PTPRD: variants seen among roughly 807,000 people sequenced by gnomAD.
PTPRD encodes protein tyrosine phosphatase receptor type D, also known as receptor-type tyrosine-protein phosphatase delta.
PTPRD carries 34 observed loss-of-function variants against 214.5 expected under a neutral mutation model. The observed-to-expected ratio is 0.16, with a 90% CI of 0.12 to 0.21. The LOEUF (loss-of-function observed/expected upper bound fraction) is 0.21. PTPRD is among the 10% of genes least tolerant of loss of function. The probability of loss-of-function intolerance (pLI) is 1.00; values close to 1 mark genes in which losing one functional copy is unlikely to be tolerated. For missense variants in PTPRD, 2,545 were observed against 2,398.7 expected (o/e 1.06, Z -1.27); for synonymous variants, 1,128 against 845.7 (o/e 1.33, Z -5.79).
intron 39 of PTPRD, among the ~76,000 whole-genome samples, chr9:8,352,053 G>C (rs983529987): frequency 7.3e-6 from 1 of 136,598 alleles, no homozygotes; most frequent in African/African-American, 2.7e-5. Context: ...TCTCGAGAAA[G>C]AAAAAAAAAA....
rs367739426 is a variant in PTPRD, at chr9:10,092,125, C to T, written c.-544-58335G>A. Among the ~76,000 whole-genome samples, 84 of 151,538 alleles carry T rather than the reference C, an allele frequency of 5.5e-4. No individual in the cohort carries two copies. The South Asian group carries it at 0.016, about 29-fold the overall frequency. ...TCCATGCAACGAGGTAAAAAGTTGA[C>T]AGTAGAACTTAAGGGAATAGCTGTG... On this transcript the variant is annotated intron_variant, in intron 3 of 45. Coordinates refer to ENST00000381196, the MANE Select transcript of PTPRD (RefSeq NM_002839.4).
At chr9:9,659,097 A>C (rs144937909) in intron 7 of PTPRD, among the ~76,000 whole-genome samples, 49 of 152,268 alleles carry the variant, frequency 3.2e-4, no homozygotes, top group African/African-American at 1.2e-3. Flanking sequence ...GATACATAAA[A>C]ACAGTTGCTT....
rs563824386 is a variant in PTPRD at position 8,791,739 on chromosome 9, T to C, written c.-103-57793A>G. Among the ~76,000 whole-genome samples, 3 of 152,104 alleles carry C rather than the reference T, an allele frequency of 2.0e-5. No homozygotes were observed. In the South Asian group the frequency reaches 6.2e-4, roughly 32 times the overall value. On this transcript the variant is annotated intron_variant, in intron 11 of 45. Transcript: ENST00000381196. The stretch of plus-strand genomic sequence containing the variant: ...GAAAGGAACGTGAGATGACTGAGGA[T>C]GCTGACTGGCTAACTAGGTGACTGG...
chr9:10,407,153 G>C (rs2098376566), intron 2 of PTPRD, among the ~76,000 whole-genome samples: 2 of 151,404 alleles, frequency 1.3e-5, no homozygotes, highest in African/African-American at 4.8e-5. Context: ...CAGATAAGTG[G>C]AAACTTAATT....
At chr9:9,179,109 C>A (rs982392006) in intron 10 of PTPRD, among the ~76,000 whole-genome samples, 7 of 152,040 alleles carry the variant, frequency 4.6e-5, no homozygotes, top group Admixed American at 1.3e-4. Context: ...TTCTTAAAAT[C>A]AACTAAAGAA....
intron 11 of PTPRD, among the ~76,000 whole-genome samples, chr9:8,782,181 C>T: frequency 6.8e-6 from 1 of 146,366 alleles, no homozygotes; most frequent in South Asian, 2.1e-4. Flanking sequence ...TATAAAATTG[C>T]ATATGTGTAC....
At chr9:8,843,427 G>C (rs139364803) in intron 11 of PTPRD, among the ~76,000 whole-genome samples, 1 of 152,104 alleles carries the variant, frequency 6.6e-6, no homozygotes, top group African/African-American at 2.4e-5. Flanking sequence ...CTGTAACCTT[G>C]AAAAGATCAA....
intron 35 of PTPRD, among the ~76,000 whole-genome samples, chr9:8,428,858 G>A (rs1431755328): frequency 6.6e-6 from 1 of 152,202 alleles, no homozygotes; most frequent in African/African-American, 2.4e-5. Context: ...TTTTACTAAT[G>A]ATGGTTCTGC....
At chr9:9,945,216 G>A (rs147332796) in intron 4 of PTPRD, among the ~76,000 whole-genome samples, 235 of 152,166 alleles carry the variant, frequency 1.5e-3, no homozygotes, top group Admixed American at 4.3e-3. Flanking sequence ...TAAGATGCCC[G>A]TTAGGCATTT....
intron 3 of PTPRD, among the ~76,000 whole-genome samples, chr9:10,285,777 A>T (rs1320205882): frequency 6.6e-6 from 1 of 151,656 alleles, no homozygotes; most frequent in Non-Finnish European, 1.5e-5. Context: ...TGCCTGGCTA[A>T]CTTTTTGTAT....
Position 8,471,805 on chromosome 9 carries a change from G to A in PTPRD, c.3414-720C>T, listed in dbSNP as rs192325195. On this transcript the variant is annotated intron_variant, in intron 30 of 45. Transcript: ENST00000381196. ...AACTAAAATTTAAGGAATGTATAAA[G>A]GCACCCATCCACAAATAGGTATGGG... Among the ~76,000 whole-genome samples the A allele has an allele frequency of 5.9e-5, 9 of 152,192 alleles. No individual in the cohort carries two copies. The East Asian group carries it at 1.7e-3, about 30-fold the overall frequency.
At chr9:9,221,853 C>T (rs1467134165) in intron 9 of PTPRD, among the ~76,000 whole-genome samples, 2 of 151,990 alleles carry the variant, frequency 1.3e-5, no homozygotes, top group African/African-American at 2.4e-5. Context: ...TGCACAAACG[C>T]TGTACCTAAA....
At chr9:9,733,723 C>A (rs999892780) in intron 7 of PTPRD, among the ~76,000 whole-genome samples, 1 of 151,920 alleles carries the variant, frequency 6.6e-6, no homozygotes, top group Non-Finnish European at 1.5e-5. Context: ...AGGGTCACTG[C>A]GTCAGATGAG....
At chr9:10,134,574 C>G (rs1404853883) in intron 3 of PTPRD, among the ~76,000 whole-genome samples, 1 of 152,064 alleles carries the variant, frequency 6.6e-6, no homozygotes, top group Non-Finnish European at 1.5e-5. Context: ...CTGTGAAATC[C>G]AATGCAGGAA....
chr9:9,091,029 A>T (rs1377479706), intron 10 of PTPRD: 1 of 1,560,428 alleles, frequency 6.4e-7, no homozygotes, highest in Non-Finnish European at 8.7e-7. Context: ...TTCGAAACAT[A>T]GTGGAGGCCG....
At chr9:8,701,787 C>T (rs922553741) in intron 12 of PTPRD, among the ~76,000 whole-genome samples, 3 of 152,188 alleles carry the variant, frequency 2.0e-5, no homozygotes, top group Admixed American at 2.0e-4. Context: ...GTGTTTACCA[C>T]AATACTATCT....
At chr9:8,805,181 A>T (rs59082546) in intron 11 of PTPRD, among the ~76,000 whole-genome samples, 1 of 152,156 alleles carries the variant, frequency 6.6e-6, no homozygotes, top group African/African-American at 2.4e-5. Context: ...TTGTGGGCCT[A>T]GCCCCACTTA....
intron 2 of PTPRD, among the ~76,000 whole-genome samples, chr9:10,368,171 C>T (rs1240939083): frequency 1.3e-5 from 2 of 151,940 alleles, no homozygotes; most frequent in East Asian, 3.9e-4. Context: ...ATATGTAAGA[C>T]AAAAATGATG....
chr9:9,127,243 A>G (rs1473739882), intron 10 of PTPRD, among the ~76,000 whole-genome samples: 1 of 152,216 alleles, frequency 6.6e-6, no homozygotes, highest in African/African-American at 2.4e-5. Context: ...GAAAATGTGC[A>G]AACTCCACAT....
Sources: allele counts gnomAD v4.1 joint callset (sites outside exome capture counted in the v4.1 genomes callset), GRCh38; gene constraint gnomAD v4.1.1; transcripts MANE v1.5; gene names NCBI Gene and HGNC (gene_info 2026-07-23, HGNC 2026-07-21).